The following ADAMTS3 variants were observed in gnomAD, a reference collection of about 807,000 sequenced individuals.
ADAMTS3 encodes the protein ADAM metallopeptidase with thrombospondin type 1 motif 3.
ADAMTS3 carries 73 observed loss-of-function variants against 129.0 expected under a neutral mutation model. The ratio of observed to expected loss-of-function variants is 0.57; its 90% CI spans 0.47 to 0.69. The LOEUF (loss-of-function observed/expected upper bound fraction) is 0.69, where lower values mean the gene tolerates loss of function less well. Among genes scored for constraint, ADAMTS3 ranks in the 30% least tolerant of loss-of-function variants. ADAMTS3 has a pLI of 0.00. For synonymous variants in ADAMTS3, 477 were observed against 510.8 expected, an observed-to-expected ratio of 0.93 and a Z score of 0.89; for missense variants, 1,457 against 1,514.5, an observed-to-expected ratio of 0.96 and a Z score of 0.63.
intron 2 of ADAMTS3, among the ~76,000 whole-genome samples, chr4:72,564,443 C>T (rs901273464): frequency 6.6e-6 from 1 of 152,086 alleles, no homozygotes; most frequent in Non-Finnish European, 1.5e-5. Flanking sequence ...CTCCCTGATA[C>T]GCCCTAGAAG....
chr4:72,293,918 G>C (rs546389146), intron 19 of ADAMTS3, among the ~76,000 whole-genome samples: 1 of 152,174 alleles, frequency 6.6e-6, no homozygotes, highest in African/African-American at 2.4e-5. Flanking sequence ...TACTTGAATA[G>C]ATCTCTTGAA....
chr4:72,412,310 C>T (rs1722203217), intron 4 of ADAMTS3, among the ~76,000 whole-genome samples: 1 of 151,962 alleles, frequency 6.6e-6, no homozygotes, highest in Non-Finnish European at 1.5e-5. Context: ...AGAAAAGGCA[C>T]TATTTTATAT....
At chr4:72,518,251 T>A (rs986821017) in intron 3 of ADAMTS3, among the ~76,000 whole-genome samples, 10 of 152,202 alleles carry the variant, frequency 6.6e-5, no homozygotes, top group Non-Finnish European at 1.5e-4. Context: ...AGACCTTTAC[T>A]TCCAAGTATG....
At chr4:72,303,861 A>G (rs1161781755) in intron 17 of ADAMTS3, 56 bp downstream of exon 17, 9 of 1,562,970 alleles carry the variant, frequency 5.8e-6, no homozygotes, top group Non-Finnish European at 7.8e-6. Flanking sequence ...TTTTCAGATA[A>G]ATTAATTATA....
chr4:72,293,529 C>A (rs1290816226), intron 19 of ADAMTS3, among the ~76,000 whole-genome samples: 1 of 152,114 alleles, frequency 6.6e-6, no homozygotes, highest in African/African-American at 2.4e-5. Flanking sequence ...AACTGGCTTA[C>A]ACTCCCTAGG....
intron 3 of ADAMTS3, among the ~76,000 whole-genome samples, chr4:72,445,720 C>G (rs1718233070): frequency 6.6e-6 from 1 of 151,732 alleles, no homozygotes. Flanking sequence ...TTAAACCCAC[C>G]ACAGAAAAAC....
At chr4:72,364,267 A>T (rs1287869430) in intron 4 of ADAMTS3, among the ~76,000 whole-genome samples, 1 of 152,190 alleles carries the variant, frequency 6.6e-6, no homozygotes, top group East Asian at 1.9e-4. Flanking sequence ...ACACTAAAAA[A>T]TATTTTTCTT....
chr4:72,525,932 T>A (rs1022454179), intron 3 of ADAMTS3, among the ~76,000 whole-genome samples: 3 of 152,136 alleles, frequency 2.0e-5, no homozygotes, highest in African/African-American at 7.2e-5. Flanking sequence ...TACCTGTGAA[T>A]AGCACAAATC....
intron 3 of ADAMTS3, among the ~76,000 whole-genome samples, chr4:72,450,644 C>T (rs1417882364): frequency 6.6e-6 from 1 of 151,672 alleles, no homozygotes; most frequent in Non-Finnish European, 1.5e-5. Context: ...ATCTAAGAAA[C>T]TCCATGGCAA....
At chr4:72,370,026 C>T (rs1241109044) in intron 4 of ADAMTS3, among the ~76,000 whole-genome samples, 7 of 152,174 alleles carry the variant, frequency 4.6e-5, no homozygotes, top group Non-Finnish European at 7.3e-5. Context: ...AGCGTTGTTT[C>T]TGGGAAATCT....
intron 3 of ADAMTS3, among the ~76,000 whole-genome samples, chr4:72,546,289 A>G (rs1318221054): frequency 1.3e-5 from 2 of 152,128 alleles, no homozygotes; most frequent in African/African-American, 2.4e-5. Context: ...ACCAGTAAAG[A>G]TCTCTGTTAG....
rs557565460 is a variant in ADAMTS3, at chr4:72,334,014, T to C, written c.861+5480A>G. On this transcript the variant is annotated intron_variant, in intron 5 of 21. Transcript: ENST00000286657. ...GACTACAGGCACCTGCCACCACGCC[T>C]GGCTAAATTTTTGTATTTTTAGTAG... Among the ~76,000 whole-genome samples the C allele has an allele frequency of 1.9e-3, 296 of 151,872 alleles. 2 individuals carry two copies. Among genetic ancestry groups the C allele is most frequent in the Non-Finnish European group, 2.7e-3 (184 of 67,896 alleles).
At chr4:72,477,962 G>A (rs1022804902) in intron 3 of ADAMTS3, among the ~76,000 whole-genome samples, 12 of 151,932 alleles carry the variant, frequency 7.9e-5, no homozygotes, top group Admixed American at 5.2e-4. Context: ...TAAATTCTTC[G>A]ACACATACAC....
chr4:72,356,508 A>G (rs1223804291), intron 4 of ADAMTS3, among the ~76,000 whole-genome samples: 1 of 151,912 alleles, frequency 6.6e-6, no homozygotes, highest in Admixed American at 6.6e-5. Flanking sequence ...GTGCTTTCAC[A>G]GTCTTCCATA....
At chr4:72,308,934 T>C (rs1719157200) in intron 15 of ADAMTS3, among the ~76,000 whole-genome samples, 2 of 151,976 alleles carry the variant, frequency 1.3e-5, no homozygotes, top group Admixed American at 1.3e-4. Flanking sequence ...ATTCCTAGAT[T>C]TATAAACAGG....
At chr4:72,534,397 C>A (rs1422566059) in intron 3 of ADAMTS3, among the ~76,000 whole-genome samples, 1 of 151,936 alleles carries the variant, frequency 6.6e-6, no homozygotes, top group African/African-American at 2.4e-5. Context: ...TTAATGATTT[C>A]CTAATTCTAG....
intron 3 of ADAMTS3, among the ~76,000 whole-genome samples, chr4:72,517,479 G>T (rs996031513): frequency 6.6e-6 from 1 of 152,128 alleles, no homozygotes; most frequent in Non-Finnish European, 1.5e-5. Flanking sequence ...ACTCTTTTTG[G>T]TTAGTAAGCT....
intron 3 of ADAMTS3, among the ~76,000 whole-genome samples, chr4:72,546,086 A>G (rs1274636179): frequency 6.6e-6 from 1 of 152,222 alleles, no homozygotes; most frequent in Non-Finnish European, 1.5e-5. Context: ...AAAAGTCTTA[A>G]GGCAGGTAAC....
intron 3 of ADAMTS3, among the ~76,000 whole-genome samples, chr4:72,438,765 T>C (rs1445258524): frequency 9.2e-5 from 14 of 151,874 alleles, no homozygotes; most frequent in African/African-American, 2.4e-5. Context: ...AGGACTACTC[T>C]AGTTTTAGTC....
Sources: allele counts gnomAD v4.1 joint callset (sites outside exome capture counted in the v4.1 genomes callset), GRCh38; gene constraint gnomAD v4.1.1; transcripts MANE v1.5; gene names NCBI Gene and HGNC (gene_info 2026-07-23, HGNC 2026-07-21).